EXTL1: variants seen among roughly 807,000 people sequenced by gnomAD.
EXTL1 encodes the protein exostosin-like 1.
A neutral mutation model predicts 64.6 loss-of-function variants in EXTL1; 43 were observed. The observed-to-expected ratio is 0.67, with a 90% CI of 0.52 to 0.86. The LOEUF (loss-of-function observed/expected upper bound fraction) is 0.86. Among genes scored for constraint, EXTL1 ranks in the 40% least tolerant of loss-of-function variants. The pLI, the probability that EXTL1 is intolerant of heterozygous loss-of-function variation, is 0.00. For missense variants in EXTL1, 766 were observed against 879.0 expected (o/e 0.87, Z 1.62); for synonymous variants, 352 against 360.5 (o/e 0.98, Z 0.27).
Position 26,033,296 on chromosome 1 carries a change from G to A in EXTL1, c.1499G>A (p.Ser500Asn). The A allele has an allele frequency of 1.9e-6, 3 of 1,614,002 alleles. No homozygotes were observed. The change falls in exon 8 of 11, where the codon AGC becomes AAC. Residue 500 changes from serine to asparagine, a missense_variant. Coordinates refer to ENST00000374280, the MANE Select transcript of EXTL1 (RefSeq NM_004455.3). This position sits in a 1 kb window ranked among gnomAD's most constrained non-coding sequence, Gnocchi z 5.1. ...TDAILSLDAR[S>N]SLSTSEVDFA... ...GCCATCCTCAGCCTCGATGCCCGCA[G>A]CAGTCTTTCCACAAGTGAGGTGAGG...
intron 3 of EXTL1, among the ~76,000 whole-genome samples, 164 bp downstream of exon 3, chr1:26,029,871 T>A (rs1021778474): frequency 6.6e-6 from 1 of 152,190 alleles, no homozygotes; most frequent in Non-Finnish European, 1.5e-5. Context: ...TCCCAGAGGA[T>A]CTGATGGAGC....
At chr1:26,028,391 A>G (rs1348038720) in intron 1 of EXTL1, among the ~76,000 whole-genome samples, 1 of 152,210 alleles carries the variant, frequency 6.6e-6, no homozygotes, top group Non-Finnish European at 1.5e-5. Flanking sequence ...AGAGCCAAAC[A>G]GGCTGTAACT....
In EXTL1 at chr1:26,032,421, G is replaced by A. The variant is rs1161155735; in HGVS notation, c.1367G>A (p.Arg456Lys). The A allele has an allele frequency of 2.6e-6, 4 of 1,556,724 alleles. No individual in the cohort carries two copies. Among genetic ancestry groups the A allele is most frequent in the Non-Finnish European group, 2.6e-6 (3 of 1,149,674 alleles). Reference sequence around the variant, plus strand: ...ATCTTGGTTCTCTGGAGCAATGAGAGGCCACTCCCATCCAGGTGGCCGGAG... The same window carrying A: ...ATCTTGGTTCTCTGGAGCAATGAGAAGCCACTCCCATCCAGGTGGCCGGAG... ...AQILVLWSNE[R>K]PLPSRWPETA... The change falls in exon 7 of 11, where the codon AGG becomes AAG. Residue 456 changes from arginine to lysine, a missense_variant. By Grantham distance (26) the Arg-to-Lys change is conservative. Around this residue, in one of 3 missense-constraint regions of EXTL1, gnomAD observed 571 missense variants for 647.6 expected, o/e 0.88. Coordinates refer to ENST00000374280, the MANE Select transcript of EXTL1 (RefSeq NM_004455.3).
intron 1 of EXTL1, 104 bp from the exon 2 acceptor site, chr1:26,029,089 G>T: frequency 1.4e-6 from 1 of 711,594 alleles, no homozygotes; most frequent in Non-Finnish European, 2.5e-6. Flanking sequence ...GGGAGTGTGG[G>T]TGTGGGGTGC....
intron 1 of EXTL1, among the ~76,000 whole-genome samples, chr1:26,026,210 G>C (rs1030468011): frequency 6.9e-6 from 1 of 143,974 alleles, no homozygotes; most frequent in Non-Finnish European, 1.5e-5. Context: ...CTGCACTCCA[G>C]CCTGGGCAGC....
chr1:26,029,621 C>G lies in EXTL1; in HGVS notation c.895C>G (p.Leu299Val), dbSNP rs371423304. 9.9e-6 allele frequency: 16 copies of G among 1,609,734 alleles called. No homozygotes were observed. Among genetic ancestry groups the G allele is most frequent in the Non-Finnish European group, 1.4e-5 (16 of 1,178,850 alleles). ...ALQAGCIPVLLSPRWELPFSE... is the reference protein window; with the variant it reads ...ALQAGCIPVLVSPRWELPFSE... ...CCAGGCCGGCTGCATCCCAGTGCTT[C>G]TCAGCCCCCGCTGGGAGCTGCCCTT... The change falls in exon 3 of 11, where the codon CTC (leucine) becomes GTC (valine). Residue 299 changes from leucine to valine, a missense_variant. This residue lies in a region of EXTL1 where 571 missense variants were observed against 647.6 expected (regional missense o/e 0.88). Coordinates refer to ENST00000374280, the MANE Select transcript of EXTL1 (RefSeq NM_004455.3).
At position 26,034,755 on chromosome 1, in the gene EXTL1, G is replaced by A; in HGVS notation, c.1680-81G>A. 7.1e-7 allele frequency: 1 copy of A among 1,413,758 alleles called. No individual in the cohort carries two copies. Among genetic ancestry groups the A allele is most frequent in the Non-Finnish European group, 9.8e-7 (1 of 1,021,914 alleles). 87.6% of individuals were successfully genotyped at this position (1,413,758 alleles called of 1,614,324 possible). ...GGCTTGGGGATGGGGGTCAAAGGGA[G>A]AGGTGAGGTCAGGAGGGAGGAGAAT... On this transcript the variant is annotated intron_variant, in intron 9 of 10. Transcript: ENST00000374280. This position sits in a 1 kb window ranked among gnomAD's most constrained non-coding sequence, Gnocchi z 4.6.
At chr1:26,032,590 C>T in intron 7 of EXTL1, 105 bp downstream of exon 7, 1 of 764,426 alleles carries the variant, frequency 1.3e-6, no homozygotes, top group Middle Eastern at 2.5e-4. Context: ...CGCAGTTGGG[C>T]CTGAAGAATG....
chr1:26,029,421 T>G (rs918410475), intron 2 of EXTL1, 135 bp downstream of exon 2: 1 of 775,426 alleles, frequency 1.3e-6, no homozygotes, highest in Non-Finnish European at 2.2e-6. Flanking sequence ...GGCATGCCTG[T>G]GTCCCCATTC....
At position 26,033,886 on chromosome 1, in the gene EXTL1, G is replaced by A; in HGVS notation, c.1679+30G>A. ...AGACCCCTACCCTGCACAGGGATCA[G>A]AGTATCAGAGGACCAGAGACCCCAC... On this transcript the variant is annotated intron_variant, in intron 9 of 10. Coordinates refer to ENST00000374280, the MANE Select transcript of EXTL1 (RefSeq NM_004455.3). The surrounding 1 kb of genome is among the most constrained non-coding windows in gnomAD (Gnocchi z 5.1). 1 of 1,584,466 alleles carries A rather than the reference G, an allele frequency of 6.3e-7. No individual in the cohort carries two copies. The highest frequency in any genetic ancestry group is 1.1e-5 in the South Asian group (1 of 88,218).
Position 26,035,341 on chromosome 1 carries a change from GC to G in EXTL1, c.2028del (p.Ter677ArgfsTer86). The G allele has an allele frequency of 6.2e-7, 1 of 1,602,616 alleles. No homozygotes were observed. The highest frequency in any genetic ancestry group is 8.5e-7 in the Non-Finnish European group (1 of 1,172,374). On this transcript the variant is annotated frameshift_variant, in exon 11 of 11. Coordinates refer to ENST00000374280, the MANE Select transcript of EXTL1 (RefSeq NM_004455.3). LOFTEE classifies it high-confidence loss of function. This position sits in a 1 kb window ranked among gnomAD's most constrained non-coding sequence, Gnocchi z 5.3. ...QRKKYRSLEK[P>X] ...GCAAGAAGTACCGCAGCCTGGAGAA[GC>G]CCTAGGGGGGCGACCCGCGGAGACC...
intron 1 of EXTL1, among the ~76,000 whole-genome samples, chr1:26,027,029 A>G (rs1457578086): frequency 6.6e-6 from 1 of 152,062 alleles, no homozygotes; most frequent in Non-Finnish European, 1.5e-5. Context: ...GCTGAAATTG[A>G]CCTCCCAGAT....
chr1:26,033,969 G>A lies in EXTL1; in HGVS notation c.1679+113G>A. 3.5e-6 allele frequency: 3 copies of A among 869,202 alleles called. No individual in the cohort carries two copies. Among genetic ancestry groups the A allele is most frequent in the Admixed American group, 3.8e-5 (1 of 26,568 alleles). The allele number at this position is 869,202 out of a possible 1,614,324, so 53.8% of individuals were successfully genotyped here. ...CCCAGGGATCCAGGTTCAAGGCCGAGATCTGCCACTTCCCAGCTGTGGGAT... is the reference window on the plus strand; with the variant it reads ...CCCAGGGATCCAGGTTCAAGGCCGAAATCTGCCACTTCCCAGCTGTGGGAT... On this transcript the variant is annotated intron_variant, in intron 9 of 10. Coordinates refer to ENST00000374280, the MANE Select transcript of EXTL1 (RefSeq NM_004455.3). This position sits in a 1 kb window ranked among gnomAD's most constrained non-coding sequence, Gnocchi z 5.1.
chr1:26,026,578 G>C (rs956233600), intron 1 of EXTL1, among the ~76,000 whole-genome samples: 2 of 152,208 alleles, frequency 1.3e-5, no homozygotes, highest in African/African-American at 4.8e-5. Context: ...ACAGGCATGA[G>C]CCACGGCGCC....
Position 26,029,597 on chromosome 1 carries a change from C to T in EXTL1, c.874-3C>T, listed in dbSNP as rs773599457. 1.9e-6 allele frequency: 3 copies of T among 1,593,662 alleles called. No individual in the cohort carries two copies. Among genetic ancestry groups the T allele is most frequent in the East Asian group, 2.2e-5 (1 of 44,488 alleles). On this transcript the variant is annotated splice_region_variant and splice_polypyrimidine_tract_variant and intron_variant, in intron 2 of 10. Coordinates refer to ENST00000374280, the MANE Select transcript of EXTL1 (RefSeq NM_004455.3). ...GCTCCCCAGTGACCTCCCCGCCCCC[C>T]AGGCCGGCTGCATCCCAGTGCTTCT...
rs2050305817 is a variant in EXTL1, at chr1:26,033,144, C to T, written c.1432-85C>T. The T allele has an allele frequency of 1.5e-5, 14 of 963,126 alleles. No individual in the cohort carries two copies. The highest frequency in any genetic ancestry group is 2.4e-5 in the East Asian group (1 of 41,612). 59.7% of individuals were successfully genotyped at this position (963,126 alleles called of 1,614,324 possible). A position where few individuals can be genotyped will look rare whatever the true frequency, so the allele number is the denominator to read the frequency against. ...GCTTTATTCATGGCTCAGGCGTCTA[C>T]ACTGTGCCTGAATGGCTCCTACTTA... On this transcript the variant is annotated intron_variant, in intron 7 of 10. Coordinates refer to ENST00000374280, the MANE Select transcript of EXTL1 (RefSeq NM_004455.3). This position sits in a 1 kb window ranked among gnomAD's most constrained non-coding sequence, Gnocchi z 5.1.
chr1:26,022,898 T>C lies in EXTL1; in HGVS notation c.252T>C (p.Ser84=), dbSNP rs2124398525. Residue 84 remains serine, a synonymous_variant, in exon 1 of 11, where the codon TCT becomes TCC. Coordinates refer to ENST00000374280, the MANE Select transcript of EXTL1 (RefSeq NM_004455.3). The part of the protein sequence containing the change: ...APHGGSCNWE[S]CFDTSKCRGD... ...ATGGTGGCAGCTGCAACTGGGAATC[T>C]TGCTTTGATACCTCAAAGTGCAGGG... 6.2e-7 allele frequency: 1 copy of C among 1,614,086 alleles called. No homozygotes were observed. Among genetic ancestry groups the C allele is most frequent in the East Asian group, 2.2e-5 (1 of 44,874 alleles).
At position 26,023,222 on chromosome 1, in the gene EXTL1, C is replaced by A. The variant is rs746776616; in HGVS notation, c.576C>A (p.Pro192=). 8 of 1,610,100 alleles carry A rather than the reference C, an allele frequency of 5.0e-6. No individual in the cohort carries two copies. Among genetic ancestry groups the A allele is most frequent in the Non-Finnish European group, 5.9e-6 (7 of 1,177,490 alleles). Residue 192 remains proline, a synonymous_variant, in exon 1 of 11, where the codon CCC becomes CCA. Coordinates refer to ENST00000374280, the MANE Select transcript of EXTL1 (RefSeq NM_004455.3). ...GCCCCACGGTGGACTCCTTCCGGCC[C>A]GGCTTTGATGTGGCCCTCCCTTTTC... ...EASPTVDSFR[P]GFDVALPFLP... is the part of the protein sequence containing the mutation.
In EXTL1 at chr1:26,030,485, G is replaced by A; in HGVS notation, c.991G>A (p.Ala331Thr). The change falls in exon 4 of 11, where the codon GCC becomes ACC. Residue 331 changes from alanine (A) to threonine (T), a missense_variant. By Grantham distance (58) the Ala-to-Thr change is moderately conservative. This residue lies in a region of EXTL1 where 571 missense variants were observed against 647.6 expected (regional missense o/e 0.88). Transcript: ENST00000374280. ...TCCCTCTCTGCTCCAGGTCCTGGCT[G>A]CCCTCCAGGAGATGTCCCCTGCACG... ...DERLPLQVLA[A>T]LQEMSPARVL... 5.0e-6 allele frequency: 8 copies of A among 1,610,446 alleles called. No individual in the cohort carries two copies. The highest frequency in any genetic ancestry group is 6.8e-6 in the Non-Finnish European group (8 of 1,178,116).
Sources: allele counts gnomAD v4.1 joint callset (sites outside exome capture counted in the v4.1 genomes callset), GRCh38; gene constraint gnomAD v4.1.1; regional missense constraint gnomAD v4.1.1; non-coding constraint Gnocchi (gnomAD v3.1); transcripts MANE v1.5; gene names NCBI Gene and HGNC (gene_info 2026-07-23, HGNC 2026-07-21).